SHOX: variants seen among roughly 807,000 people sequenced by gnomAD.
SHOX encodes the protein SHOX homeobox.
A neutral mutation model predicts 29.6 loss-of-function variants in SHOX; 12 were observed. That is an observed-to-expected ratio of 0.41 (90% CI 0.26 to 0.66). SHOX has a LOEUF of 0.66. Among genes scored for constraint, SHOX ranks in the 30% least tolerant of loss-of-function variants. SHOX has a pLI of 0.35. For synonymous variants in SHOX, 214 were observed against 200.6 expected (o/e 1.07, Z -0.57); for missense variants, 499 against 437.7 (o/e 1.14, Z -1.25).
Position 644,816 on chromosome X carries a change from A to C in SHOX, c.*180A>C. On this transcript the variant is annotated 3_prime_UTR_variant, in exon 5 of 5. Coordinates refer to ENST00000686671, the MANE Select transcript of SHOX (RefSeq NM_000451.4). ...TCCCGGGACCGTCCACGCACGACCC[A>C]GCCAGACCCTCGCGGAGATGGTGCA... is the stretch of plus-strand genomic sequence containing the variant. 7 of 790,860 alleles carry C rather than the reference A, an allele frequency of 8.9e-6. No homozygotes were observed. The highest frequency in any genetic ancestry group is 1.3e-5 in the Non-Finnish European group (7 of 559,564). 49.0% of individuals were successfully genotyped at this position (790,860 alleles called of 1,614,324 possible). A position where few individuals can be genotyped will look rare whatever the true frequency, so the allele number is the denominator to read the frequency against.
chrX:627,480 C>T (rs765322446), upstream of SHOX, among the ~76,000 whole-genome samples: 1 of 152,300 alleles, frequency 6.6e-6, no homozygotes, highest in South Asian at 2.1e-4. Flanking sequence ...TGGAGTTTTA[C>T]AGAAAGATGA....
At chrX:642,390 G>A (rs1356557639) in intron 4 of SHOX, among the ~76,000 whole-genome samples, 4 of 152,016 alleles carry the variant, frequency 2.6e-5, no homozygotes, top group African/African-American at 4.8e-5. Flanking sequence ...ATTTGGGCGC[G>A]TGTTTGGCTG....
downstream of SHOX, among the ~76,000 whole-genome samples, chrX:655,957 C>G (rs1368626489): frequency 1.3e-5 from 2 of 149,194 alleles, no homozygotes; most frequent in African/African-American, 4.9e-5. Flanking sequence ...GCAGGAGGAT[C>G]ACTTGAGCCC....
exon 1 of SHOX, chrX:624,477 G>A: frequency 6.6e-6 from 1 of 152,012 alleles, no homozygotes; most frequent in Non-Finnish European, 1.5e-5. Context: ...GGGTAGGAGC[G>A]GATCAGACGC....
intron 4 of SHOX, among the ~76,000 whole-genome samples, chrX:643,145 G>C (rs2052890714): frequency 6.7e-6 from 1 of 148,904 alleles, no homozygotes; most frequent in Non-Finnish European, 1.5e-5. Flanking sequence ...TGGGGACCTG[G>C]TGTCCTGAAA....
intron 2 of SHOX, among the ~76,000 whole-genome samples, chrX:638,826 G>A (rs2052801628): frequency 6.6e-6 from 1 of 152,222 alleles, no homozygotes; most frequent in Non-Finnish European, 1.5e-5. Context: ...ACAACAGCCG[G>A]AGTGACTGGT....
At chrX:643,899 T>G (rs906735741) in intron 4 of SHOX, among the ~76,000 whole-genome samples, 1 of 148,340 alleles carries the variant, frequency 6.7e-6, no homozygotes, top group Non-Finnish European at 1.5e-5. Context: ...CGGGAGAGCC[T>G]TGGGGACCAG....
At chrX:642,302 G>T (rs976946226) in intron 4 of SHOX, among the ~76,000 whole-genome samples, 11 of 149,924 alleles carry the variant, frequency 7.3e-5, no homozygotes, top group African/African-American at 1.2e-4. Context: ...AACGGGCTTG[G>T]GGGGGGGGCT....
intron 2 of SHOX, among the ~76,000 whole-genome samples, chrX:640,054 C>G (rs890392041): frequency 2.7e-5 from 4 of 150,304 alleles, no homozygotes; most frequent in African/African-American, 9.8e-5. Flanking sequence ...AACCCAATTT[C>G]CAGTTCTAGG....
At chrX:629,415 C>G (rs1238202283), upstream of SHOX, among the ~76,000 whole-genome samples, 1 of 151,644 alleles carries the variant, frequency 6.6e-6, no homozygotes, top group Non-Finnish European at 1.5e-5. Context: ...CTCTCTCCGT[C>G]TTTCCCCCTC....
At position 650,841 on chromosome X, in the gene SHOX, A is replaced by G. The variant is rs1455352798; in HGVS notation, c.*6205A>G. On this transcript the variant is annotated 3_prime_UTR_variant, in exon 5 of 5. Coordinates refer to ENST00000686671, the MANE Select transcript of SHOX (RefSeq NM_000451.4). Reference sequence around the variant, plus strand: ...AAAACTGGTGCCTAATTTATTAAAGAGAATTAGCTTAGCGAGTATATGCTG... The same window carrying G: ...AAAACTGGTGCCTAATTTATTAAAGGGAATTAGCTTAGCGAGTATATGCTG... Among the ~76,000 whole-genome samples the G allele has an allele frequency of 6.8e-6, 1 of 146,890 alleles. No individual in the cohort carries two copies. Among genetic ancestry groups the G allele is most frequent in the African/African-American group, 2.5e-5 (1 of 40,578 alleles).
rs757479526 is a variant in SHOX, at chrX:651,309, A to G, written c.*6673A>G. The G allele has an allele frequency of 1.2e-4, 54 of 455,862 alleles. No homozygotes were observed. In the East Asian group the frequency reaches 3.6e-3, roughly 31 times the overall value. 28.2% of individuals were successfully genotyped at this position (455,862 alleles called of 1,614,324 possible). On this transcript the variant is annotated 3_prime_UTR_variant, in exon 5 of 5. Transcript: ENST00000686671. ...ATTTTCAGGGATTGCTTCAGATGAA[A>G]ACAAATCACACACCGTTTCCCAAAC...
intron 1 of SHOX, chrX:631,924 C>T (rs1427601298): frequency 4.4e-6 from 2 of 456,090 alleles, no homozygotes; most frequent in Non-Finnish European, 8.8e-6. Context: ...CGTCTCCACG[C>T]GCCTTCCCAG....
intron 1 of SHOX, among the ~76,000 whole-genome samples, chrX:632,674 A>G (rs2052671857): frequency 6.6e-6 from 1 of 152,162 alleles, no homozygotes; most frequent in South Asian, 2.1e-4. Flanking sequence ...AGCTGTGGCT[A>G]CGGTTTACAA....
chrX:642,322 C>G (rs999378736), intron 4 of SHOX, among the ~76,000 whole-genome samples: 1 of 151,396 alleles, frequency 6.6e-6, no homozygotes, highest in African/African-American at 2.4e-5. Flanking sequence ...TCTGGCAGGG[C>G]GGACGCGTGG....
downstream of SHOX, among the ~76,000 whole-genome samples, chrX:653,156 G>A (rs771852986): frequency 9.9e-5 from 15 of 152,274 alleles, no homozygotes; most frequent in East Asian, 1.7e-3. Flanking sequence ...CAGGAGAATC[G>A]CTTGGACCCA....
intron 5 of SHOX, among the ~76,000 whole-genome samples, chrX:657,756 C>G (rs1334068016): frequency 6.6e-6 from 1 of 152,132 alleles, no homozygotes; most frequent in Non-Finnish European, 1.5e-5. Flanking sequence ...TAAAATACGA[C>G]GTGCACACAC....
At chrX:627,697 T>C (rs765514328), upstream of SHOX, among the ~76,000 whole-genome samples, 450 of 152,308 alleles carry the variant, frequency 3.0e-3, 3 homozygotes, top group African/African-American at 0.011. Context: ...GGTGTCCCCA[T>C]GCTCATTCCT....
At position 649,968 on chromosome X, in the gene SHOX, T is replaced by C; in HGVS notation, c.*5332T>C. Reference sequence around the variant, plus strand: ...ACCCACAGGGAGAAGGAATTGGATGTATCGGATGTTGCTATTAGATTTTCT... The same window carrying C: ...ACCCACAGGGAGAAGGAATTGGATGCATCGGATGTTGCTATTAGATTTTCT... On this transcript the variant is annotated 3_prime_UTR_variant, in exon 5 of 5. Transcript: ENST00000686671. The C allele has an allele frequency of 2.2e-6, 1 of 456,116 alleles. No individual in the cohort carries two copies. Among genetic ancestry groups the C allele is most frequent in the Non-Finnish European group, 4.4e-6 (1 of 226,810 alleles). 28.3% of individuals were successfully genotyped at this position (456,116 alleles called of 1,614,324 possible).
Sources: gnomAD v4.1 joint callset for allele counts (sites outside exome capture counted in the v4.1 genomes callset) on GRCh38, gnomAD v4.1.1 for gene constraint, MANE v1.5 for transcripts, NCBI Gene and HGNC (gene_info 2026-07-23, HGNC 2026-07-21) for gene names.